Variants in SHC3 observed in about 807,000 individuals in gnomAD.
SHC3 encodes SHC adaptor protein 3, also known as SHC-transforming protein 3.
SHC3 carries 15 observed loss-of-function variants against 60.4 expected under a neutral mutation model. The observed-to-expected ratio is 0.25, with a 90% confidence interval of 0.17 to 0.38. The LOEUF (loss-of-function observed/expected upper bound fraction) is 0.38. Among genes scored for constraint, SHC3 ranks in the 10% least tolerant of loss-of-function variants. The pLI is 1.00. For missense variants in SHC3, 677 were observed against 786.1 expected (o/e 0.86, Z 1.66); for synonymous variants, 294 against 325.9 (o/e 0.90, Z 1.05).
At chr9:89,075,340 C>T (rs1825340372) in intron 3 of SHC3, 112 bp from the exon 4 acceptor site, 1 of 1,370,772 alleles carries the variant, frequency 7.3e-7, no homozygotes, top group South Asian at 1.4e-5. Context: ...CCTCCTTAGG[C>T]ATAAGAAGAC....
At chr9:89,177,314 C>T (rs564769756) in intron 1 of SHC3, among the ~76,000 whole-genome samples, 2 of 152,290 alleles carry the variant, frequency 1.3e-5, no homozygotes, top group East Asian at 3.9e-4. Flanking sequence ...GCCCTAGTTC[C>T]CTTTTAGCAC....
intron 6 of SHC3, among the ~76,000 whole-genome samples, chr9:89,065,168 G>A (rs149318031): frequency 2.0e-5 from 3 of 152,286 alleles, no homozygotes; most frequent in African/African-American, 7.2e-5. Context: ...AGCTAGGGGT[G>A]GCTTAGTGGG....
intron 1 of SHC3, among the ~76,000 whole-genome samples, chr9:89,142,709 A>G (rs1826412205): frequency 1.3e-5 from 2 of 149,174 alleles, no homozygotes; most frequent in South Asian, 4.2e-4. Context: ...GGTGTCTTTT[A>G]CCCACTCTGT....
intron 11 of SHC3, among the ~76,000 whole-genome samples, chr9:89,031,595 G>A (rs1179720320): frequency 6.6e-6 from 1 of 152,144 alleles, no homozygotes; most frequent in East Asian, 1.9e-4. Context: ...GCTGAATTAT[G>A]CTCTATTGTA....
chr9:89,094,775 G>A (rs1022358503), intron 2 of SHC3, among the ~76,000 whole-genome samples: 2 of 152,170 alleles, frequency 1.3e-5, no homozygotes, highest in African/African-American at 2.4e-5. Flanking sequence ...TTACAGTCAC[G>A]AGCAAACACC....
At chr9:89,092,384 G>A (rs1335404746) in intron 2 of SHC3, among the ~76,000 whole-genome samples, 6 of 152,130 alleles carry the variant, frequency 3.9e-5, no homozygotes, top group South Asian at 2.1e-4. Context: ...TTGGGAGGCC[G>A]AGGCAGGCAG....
chr9:89,024,075 C>T (rs559434415), intron 11 of SHC3, among the ~76,000 whole-genome samples: 76 of 152,200 alleles, frequency 5.0e-4, no homozygotes, highest in African/African-American at 1.8e-3. Flanking sequence ...GGGTGTGATT[C>T]GTAAGTTACC....
chr9:89,163,920 G>C (rs1826747861), intron 1 of SHC3, among the ~76,000 whole-genome samples: 1 of 151,734 alleles, frequency 6.6e-6, no homozygotes, highest in Non-Finnish European at 1.5e-5. Context: ...TTACATGGTA[G>C]AAAGAGGTCA....
rs747746618 is a variant in SHC3 at position 89,065,552 on chromosome 9, G to A, written c.812C>T (p.Ala271Val). ...ACCTCTGCGATTAACAGGGTCCTTA[G>A]CCACATATGCAACATAGTCAGTTGT... ...PDTTDYVAYV[A>V]KDPVNRRACH... Residue 271 changes from alanine to valine, a missense_variant, in exon 6 of 12, where the codon GCT becomes GTT. Transcript: ENST00000375835. 6.2e-7 allele frequency: 1 copy of A among 1,614,120 alleles called. No individual in the cohort carries two copies. Among genetic ancestry groups the A allele is most frequent in the South Asian group, 1.1e-5 (1 of 91,080 alleles).
intron 4 of SHC3, among the ~76,000 whole-genome samples, chr9:89,073,972 C>T (rs1825314616): frequency 6.6e-6 from 1 of 152,176 alleles, no homozygotes; most frequent in Non-Finnish European, 1.5e-5. Context: ...GTGAACTAGT[C>T]CCTTAGACAA....
At chr9:89,116,129 G>T (rs550876450) in intron 1 of SHC3, among the ~76,000 whole-genome samples, 1 of 152,114 alleles carries the variant, frequency 6.6e-6, no homozygotes, top group Non-Finnish European at 1.5e-5. Context: ...GGACTATTAT[G>T]ACAAATTTCA....
At chr9:89,112,096 T>A (rs912803869) in intron 2 of SHC3, among the ~76,000 whole-genome samples, 17 of 152,186 alleles carry the variant, frequency 1.1e-4, no homozygotes, top group African/African-American at 4.1e-4. Flanking sequence ...CTTAAAGAAT[T>A]GGTCTGCTTG....
chr9:89,075,350 C>T (rs1825340650), intron 3 of SHC3, 122 bp from the exon 4 acceptor site: 3 of 1,320,910 alleles, frequency 2.3e-6, no homozygotes, highest in East Asian at 4.8e-5. Flanking sequence ...CATAAGAAGA[C>T]AAAATGTGAA....
chr9:89,109,359 G>T (rs927045804), intron 2 of SHC3: 1 of 946,024 alleles, frequency 1.1e-6, no homozygotes, highest in African/African-American at 1.8e-5. Flanking sequence ...GAAGTCCAGC[G>T]AGGGTGCACA....
chr9:89,035,871 G>A (rs1338781124), intron 11 of SHC3, among the ~76,000 whole-genome samples: 2 of 143,422 alleles, frequency 1.4e-5, no homozygotes, highest in African/African-American at 5.0e-5. Context: ...GTGTGTGTGT[G>A]TGTGTGTGTG....
rs371912611 is a variant in SHC3, at chr9:89,077,935, C to T, written c.546-32G>A. On this transcript the variant is annotated intron_variant, in intron 2 of 11. Transcript: ENST00000375835. ...ACAGGAAGAAAAAGCAATTTTATTA[C>T]GTGTCAGTCGGGATTATGGAACCCA... 115 of 1,613,246 alleles carry T rather than the reference C, an allele frequency of 7.1e-5. No homozygotes were observed. The South Asian group carries it at 1.1e-3, about 16-fold the overall frequency.
chr9:89,086,482 C>T (rs771806492), intron 2 of SHC3, among the ~76,000 whole-genome samples: 5 of 152,196 alleles, frequency 3.3e-5, no homozygotes, highest in Admixed American at 6.5e-5. Context: ...GGGGAAGGAG[C>T]GTGGAACTTC....
rs955017503 is a variant in SHC3 at position 89,178,600 on chromosome 9, G to A, written c.-140C>T. On this transcript the variant is annotated 5_prime_UTR_variant, in exon 1 of 12. Coordinates refer to ENST00000375835, the MANE Select transcript of SHC3 (RefSeq NM_016848.6). The surrounding 1 kb of genome is among the most constrained non-coding windows in gnomAD (Gnocchi z 6.9). The stretch of plus-strand genomic sequence containing the variant: ...CCCGGGACAGCCTTCTGGAGAACGA[G>A]AGCAGAGCAAGAGGATGGTGCCCTC... 8.6e-6 allele frequency: 6 copies of A among 695,182 alleles called. No individual in the cohort carries two copies. In the East Asian group the frequency reaches 1.0e-4, roughly 12 times the overall value. 43.1% of individuals were successfully genotyped at this position (695,182 alleles called of 1,614,324 possible).
intron 11 of SHC3, among the ~76,000 whole-genome samples, chr9:89,018,699 C>CTT (rs34145222): frequency 0.058 from 8,034 of 137,376 alleles, 301 homozygotes; most frequent in Middle Eastern, 0.098. Context: ...TTCTTTCTTT[C>CTT]TTTTTTTTTT....
Sources: gnomAD v4.1 joint callset for allele counts (sites outside exome capture counted in the v4.1 genomes callset) on GRCh38, gnomAD v4.1.1 for gene constraint, Gnocchi (gnomAD v3.1) non-coding constraint, MANE v1.5 for transcripts, NCBI Gene and HGNC (gene_info 2026-07-23, HGNC 2026-07-21) for gene names.